The following SIMC1 variants were observed in gnomAD, a reference collection of about 807,000 sequenced individuals.
SIMC1 encodes the protein SUMO-interacting motif-containing protein 1.
A neutral mutation model predicts 82.3 loss-of-function variants in SIMC1; 55 were observed. The ratio of observed to expected loss-of-function variants is 0.67; its 90% CI spans 0.54 to 0.84. SIMC1 has a LOEUF of 0.84. Ranked by LOEUF, SIMC1 falls within the 40% of genes least tolerant of loss-of-function variation. The pLI is 0.00. For synonymous variants in SIMC1, 353 were observed against 426.3 expected (o/e 0.83, Z 2.12); for missense variants, 915 against 1,107.2 (o/e 0.83, Z 2.46).
intron 5 of SIMC1, among the ~76,000 whole-genome samples, chr5:176,315,896 C>T (rs1010891120): frequency 2.0e-5 from 3 of 152,032 alleles, no homozygotes; most frequent in Admixed American, 6.6e-5. Context: ...AAAAATTGGC[C>T]GGGTACAGTG....
chr5:176,249,628 C>G (rs1030064768), intron 1 of SIMC1, among the ~76,000 whole-genome samples: 5 of 151,922 alleles, frequency 3.3e-5, no homozygotes, highest in African/African-American at 1.2e-4. Context: ...ATCACAAGGT[C>G]AGGAGATCGA....
At chr5:176,248,884 T>G (rs1232582315) in intron 1 of SIMC1, among the ~76,000 whole-genome samples, 1 of 152,204 alleles carries the variant, frequency 6.6e-6, no homozygotes, top group Non-Finnish European at 1.5e-5. Context: ...CTGTCATTGG[T>G]TCTGTCGATG....
In SIMC1 at chr5:176,325,501, C is replaced by T. The variant is rs187706272; in HGVS notation, c.2171+744C>T. On this transcript the variant is annotated intron_variant, in intron 7 of 9. Coordinates refer to ENST00000429602, the MANE Select transcript of SIMC1 (RefSeq NM_001308195.2). ...GAGATCGAGACCATCCTGGCTAATGCGATGAAACCCCGTCTCTACTAAAAA... is the reference window on the plus strand; with the variant it reads ...GAGATCGAGACCATCCTGGCTAATGTGATGAAACCCCGTCTCTACTAAAAA... Among the ~76,000 whole-genome samples the T allele has an allele frequency of 9.3e-3, 1,407 of 151,976 alleles. 17 individuals are homozygous for T. The highest frequency in any genetic ancestry group is 0.027 in the Middle Eastern group (8 of 292).
At chr5:176,329,657 A>G (rs947877890) in intron 7 of SIMC1, among the ~76,000 whole-genome samples, 2 of 152,188 alleles carry the variant, frequency 1.3e-5, no homozygotes, top group African/African-American at 4.8e-5. Context: ...TTTGGACTAA[A>G]TGTCATAATG....
At chr5:176,312,001 A>ATACAC (rs1764684075) in intron 4 of SIMC1, among the ~76,000 whole-genome samples, 1 of 152,214 alleles carries the variant, frequency 6.6e-6, no homozygotes. Flanking sequence ...GATGATGGAA[A>ATACAC]TACACTTCTT....
intron 7 of SIMC1, among the ~76,000 whole-genome samples, chr5:176,328,361 T>G (rs1428314465): frequency 1.3e-5 from 2 of 151,664 alleles, no homozygotes; most frequent in African/African-American, 4.8e-5. Flanking sequence ...ACTAATAAAA[T>G]TGCTTACATA....
chr5:176,293,981 G>A (rs1324740697), intron 2 of SIMC1, among the ~76,000 whole-genome samples: 2 of 151,796 alleles, frequency 1.3e-5, no homozygotes, highest in Non-Finnish European at 1.5e-5. Flanking sequence ...GGGGGAAGAA[G>A]CAACTTAATA....
chr5:176,246,768 C>T (rs1315010929), intron 1 of SIMC1, among the ~76,000 whole-genome samples: 1 of 151,782 alleles, frequency 6.6e-6, no homozygotes, highest in African/African-American at 2.4e-5. Flanking sequence ...TAGCCCCCCA[C>T]CCCCCAACAG....
At chr5:176,257,356 T>G (rs1161003517) in intron 1 of SIMC1, among the ~76,000 whole-genome samples, 4 of 152,078 alleles carry the variant, frequency 2.6e-5, no homozygotes, top group Non-Finnish European at 5.9e-5. Flanking sequence ...GACTGGGTAA[T>G]TGATCAAGAA....
intron 1 of SIMC1, among the ~76,000 whole-genome samples, chr5:176,255,523 A>G (rs1397898523): frequency 2.0e-5 from 3 of 150,408 alleles, no homozygotes; most frequent in Non-Finnish European, 3.0e-5. Context: ...CAGAAGTTGT[A>G]GTGAGCCAAG....
At chr5:176,343,458 C>T (rs1766239743) in intron 9 of SIMC1, among the ~76,000 whole-genome samples, 1 of 152,184 alleles carries the variant, frequency 6.6e-6, no homozygotes, top group Admixed American at 6.5e-5. Context: ...TGGGGCTGGC[C>T]TGTAGATTTG....
At chr5:176,320,365 T>TTATA (rs1426894170) in intron 5 of SIMC1, among the ~76,000 whole-genome samples, 2 of 150,454 alleles carry the variant, frequency 1.3e-5, no homozygotes, top group African/African-American at 4.9e-5. Context: ...ATTTATTTAT[T>TTATA]TATTTATTTA....
At chr5:176,253,471 C>G (rs1057306852) in intron 1 of SIMC1, among the ~76,000 whole-genome samples, 3 of 152,158 alleles carry the variant, frequency 2.0e-5, no homozygotes, top group Non-Finnish European at 4.4e-5. Context: ...GCCTCAGCCT[C>G]CCAAAGTTCT....
intron 3 of SIMC1, 43 bp downstream of exon 3, chr5:176,295,305 T>A (rs1992052302): frequency 1.9e-6 from 3 of 1,560,284 alleles, no homozygotes; most frequent in Non-Finnish European, 2.6e-6. Flanking sequence ...CTTCTAGGGA[T>A]CTTGGACTCA....
At chr5:176,253,858 A>G (rs1158173733) in intron 1 of SIMC1, among the ~76,000 whole-genome samples, 5 of 152,210 alleles carry the variant, frequency 3.3e-5, no homozygotes, top group East Asian at 1.9e-4. Context: ...CGGTTTGTGT[A>G]ATAGTTTTCA....
intron 1 of SIMC1, among the ~76,000 whole-genome samples, chr5:176,276,586 A>C: frequency 7.8e-6 from 1 of 128,592 alleles, no homozygotes; most frequent in African/African-American, 2.9e-5. Context: ...TCCCAATGCT[A>C]TCCCTCCCCC....
At chr5:176,341,051 G>A (rs1403346809) in intron 9 of SIMC1, among the ~76,000 whole-genome samples, 2 of 152,188 alleles carry the variant, frequency 1.3e-5, no homozygotes, top group Non-Finnish European at 2.9e-5. Flanking sequence ...GGAGGCTGAG[G>A]CAGGAGAATT....
At chr5:176,259,038 C>T (rs2113140696) in intron 1 of SIMC1, among the ~76,000 whole-genome samples, 1 of 151,922 alleles carries the variant, frequency 6.6e-6, no homozygotes, top group Admixed American at 6.6e-5. Flanking sequence ...GTGCAGCCAT[C>T]ACCACTATCT....
At chr5:176,340,853 A>C (rs1766107913) in intron 9 of SIMC1, among the ~76,000 whole-genome samples, 1 of 152,244 alleles carries the variant, frequency 6.6e-6, no homozygotes, top group Non-Finnish European at 1.5e-5. Flanking sequence ...ACCTCATCTA[A>C]GACATTAAGT....
Sources: gnomAD v4.1 joint callset for allele counts (sites outside exome capture counted in the v4.1 genomes callset) on GRCh38, gnomAD v4.1.1 for gene constraint, MANE v1.5 for transcripts, NCBI Gene and HGNC (gene_info 2026-07-23, HGNC 2026-07-21) for gene names.